The following DMBX1 variants were observed in gnomAD, a reference collection of about 807,000 sequenced individuals.
DMBX1 encodes diencephalon/mesencephalon homeobox protein 1.
In DMBX1, 7 loss-of-function variants were observed where a neutral mutation model predicts 30.4. That is an observed-to-expected ratio of 0.23 (90% CI 0.13 to 0.43). The LOEUF is 0.43. Ranked by LOEUF, DMBX1 falls within the 20% of genes least tolerant of loss-of-function variation. The probability of loss-of-function intolerance (pLI) is 1.00; values close to 1 mark genes in which losing one functional copy is unlikely to be tolerated. For missense variants in DMBX1, 460 were observed against 508.5 expected, an observed-to-expected ratio of 0.90 and a Z score of 0.92; for synonymous variants, 222 against 214.2, an observed-to-expected ratio of 1.04 and a Z score of -0.32.
intron 2 of DMBX1, among the ~76,000 whole-genome samples, chr1:46,502,310 G>A (rs1666151567): frequency 6.6e-6 from 1 of 151,442 alleles, no homozygotes; most frequent in African/African-American, 2.4e-5. Context: ...CTTCATTCAG[G>A]AAAAGACCCA....
In DMBX1 at chr1:46,512,327, G is replaced by A. The variant is rs557757557; in HGVS notation, c.967G>A (p.Ala323Thr). 2.0e-5 allele frequency: 32 copies of A among 1,613,734 alleles called. No homozygotes were observed. The highest frequency in any genetic ancestry group is 1.6e-4 in the South Asian group (15 of 91,082). Residue 323 changes from alanine (A) to threonine (T), a missense_variant, in exon 6 of 6, where the codon GCT becomes ACT. Transcript: ENST00000360032. The surrounding 1 kb of genome is among the most constrained non-coding windows in gnomAD (Gnocchi z 4.8). ...CTACTACCAGTCCCTGTCAGCAGCC[G>A]CTGCTGCCCACCAGGGTGTGTGGGG... ...QSYYQSLSAA[A>T]AAHQGVWGSP...
Position 46,512,585 on chromosome 1 carries a change from G to A in DMBX1, c.*91G>A, listed in dbSNP as rs922623615. The A allele has an allele frequency of 2.9e-6, 4 of 1,396,320 alleles. No homozygotes were observed. The African/African-American group carries it at 4.3e-5, about 15-fold the overall frequency. The allele number at this position is 1,396,320 out of a possible 1,614,324, so 86.5% of individuals were successfully genotyped here. A position where few individuals can be genotyped will look rare whatever the true frequency, so the allele number is the denominator to read the frequency against. The stretch of plus-strand genomic sequence containing the variant: ...GTGGCTCTCGAGGAGTTAACTCCAT[G>A]AGCCCAGGGATCCTAGGGCCTGGGG... On this transcript the variant is annotated 3_prime_UTR_variant, in exon 6 of 6. Coordinates refer to ENST00000360032, the MANE Select transcript of DMBX1 (RefSeq NM_172225.2). The surrounding 1 kb of genome is among the most constrained non-coding windows in gnomAD (Gnocchi z 4.8).
chr1:46,496,529 G>A (rs530063960), intron 2 of DMBX1, among the ~76,000 whole-genome samples: 177 of 152,334 alleles, frequency 1.2e-3, no homozygotes, highest in African/African-American at 4.2e-3. Context: ...AGGTGCTGAA[G>A]TTGAGGATCT....
chr1:46,514,784 T>C lies in DMBX1; in HGVS notation c.*2290T>C, dbSNP rs1257317030. Among the ~76,000 whole-genome samples the C allele has an allele frequency of 6.6e-6, 1 of 152,166 alleles. No homozygotes were observed. The highest frequency in any genetic ancestry group is 1.5e-5 in the Non-Finnish European group (1 of 68,038). On this transcript the variant is annotated 3_prime_UTR_variant, in exon 6 of 6. Transcript: ENST00000360032. ...GAGAGAGGTTCTGTTGGTGTCCTGG[T>C]TGAATTGCTTTGCAGAGAAGTCAAT...
chr1:46,499,830 A>T, intron 2 of DMBX1, among the ~76,000 whole-genome samples: 1 of 152,220 alleles, frequency 6.6e-6, no homozygotes, highest in East Asian at 1.9e-4. Flanking sequence ...AGGCACTAGA[A>T]TTAAGAAAAT....
At chr1:46,508,620 G>C (rs145285283) in intron 3 of DMBX1, among the ~76,000 whole-genome samples, 1 of 152,330 alleles carries the variant, frequency 6.6e-6, no homozygotes, top group Non-Finnish European at 1.5e-5. Flanking sequence ...ACAGAGAGGA[G>C]TCAGGGACAG....
intron 2 of DMBX1, among the ~76,000 whole-genome samples, chr1:46,502,894 C>A (rs11806495): frequency 0.026 from 4,021 of 152,076 alleles, 164 homozygotes; most frequent in African/African-American, 0.092. Flanking sequence ...ATAAAAAAAA[C>A]AAAACAAAAC....
At chr1:46,498,721 T>C (rs1666069692) in intron 2 of DMBX1, among the ~76,000 whole-genome samples, 1 of 152,166 alleles carries the variant, frequency 6.6e-6, no homozygotes, top group Non-Finnish European at 1.5e-5. Context: ...TATACAATCA[T>C]GTGGCCGATC....
Position 46,510,397 on chromosome 1 carries a change from A to T in DMBX1, c.155-79A>T. 6.6e-7 allele frequency: 1 copy of T among 1,519,798 alleles called. No individual in the cohort carries two copies. The highest frequency in any genetic ancestry group is 8.8e-7 in the Non-Finnish European group (1 of 1,133,674). The allele number at this position is 1,519,798 out of a possible 1,614,324, so 94.1% of individuals were successfully genotyped here. The stretch of plus-strand genomic sequence containing the variant: ...AGCCTGGGTGTCCACAGTGGGTCAG[A>T]GCAGGATAAGATTCAAAGCTATTTC... On this transcript the variant is annotated intron_variant, in intron 3 of 5. Coordinates refer to ENST00000360032, the MANE Select transcript of DMBX1 (RefSeq NM_172225.2). The surrounding 1 kb of genome is among the most constrained non-coding windows in gnomAD (Gnocchi z 4.1).
In DMBX1 at chr1:46,510,447, C is replaced by A; in HGVS notation, c.155-29C>A. 2.5e-6 allele frequency: 4 copies of A among 1,607,836 alleles called. No homozygotes were observed. Among genetic ancestry groups the A allele is most frequent in the Non-Finnish European group, 3.4e-6 (4 of 1,177,108 alleles). The stretch of plus-strand genomic sequence containing the variant: ...CCCATAATTAAATGGGCCCCCTCTC[C>A]TTGCCCTCCAACGGCTGTACATTTC... On this transcript the variant is annotated intron_variant, in intron 3 of 5. Transcript: ENST00000360032. This position sits in a 1 kb window ranked among gnomAD's most constrained non-coding sequence, Gnocchi z 4.1.
chr1:46,497,683 T>TA (rs1016266833), intron 2 of DMBX1, among the ~76,000 whole-genome samples: 2 of 152,208 alleles, frequency 1.3e-5, no homozygotes, highest in African/African-American at 4.8e-5. Context: ...TGCCCCCTAA[T>TA]AAAATTCTGC....
intron 2 of DMBX1, among the ~76,000 whole-genome samples, chr1:46,499,307 G>T (rs1666080051): frequency 6.6e-6 from 1 of 152,230 alleles, no homozygotes; most frequent in African/African-American, 2.4e-5. Flanking sequence ...AAAGTGCTGG[G>T]ATTACAGGCG....
intron 2 of DMBX1, among the ~76,000 whole-genome samples, chr1:46,503,121 C>T (rs1383963670): frequency 6.6e-6 from 1 of 152,212 alleles, no homozygotes; most frequent in East Asian, 1.9e-4. Context: ...GGTTTTCTTG[C>T]TGTTCTACAC....
Position 46,510,516 on chromosome 1 carries a change from A to G in DMBX1, c.195A>G (p.Lys65=). 2 of 1,614,138 alleles carry G rather than the reference A, an allele frequency of 1.2e-6. No homozygotes were observed. The highest frequency in any genetic ancestry group is 1.7e-6 in the Non-Finnish European group (2 of 1,180,012). The stretch of plus-strand genomic sequence containing the variant: ...CCCGTTATGGTTCCCAGCACCGCAA[A>G]CAACGTCGCAGCCGCACAGCGTTCA... ...LEARYGSQHR[K]QRRSRTAFTA... Residue 65 remains lysine, a synonymous_variant, in exon 4 of 6, where the codon AAA becomes AAG. Transcript: ENST00000360032. The surrounding 1 kb of genome is among the most constrained non-coding windows in gnomAD (Gnocchi z 4.1).
At chr1:46,494,802 T>C (rs577730239) in intron 2 of DMBX1, among the ~76,000 whole-genome samples, 1 of 152,202 alleles carries the variant, frequency 6.6e-6, no homozygotes, top group Admixed American at 6.5e-5. Context: ...TTGGGGGCCC[T>C]CAGTGGAGAT....
At chr1:46,490,578 T>C (rs755296081) in intron 1 of DMBX1, among the ~76,000 whole-genome samples, 66 bp from the exon 2 acceptor site, 19 of 152,220 alleles carry the variant, frequency 1.2e-4, no homozygotes, top group Non-Finnish European at 2.1e-4. Flanking sequence ...CCCAGCTTCC[T>C]GGTCCACGCG....
rs1208061076 is a variant in DMBX1, at chr1:46,489,968, C to G, written c.-153+91C>G. ...GCGGGCCGTGAGAACCCGGGGACAG[C>G]CTCCCCTCTTGCGGTCCTGCAGTCC... On this transcript the variant is annotated intron_variant, in intron 1 of 5. Transcript: ENST00000360032. Among the ~76,000 whole-genome samples the G allele has an allele frequency of 3.3e-5, 5 of 152,254 alleles. No individual in the cohort carries two copies. In the East Asian group the frequency reaches 7.7e-4, roughly 24 times the overall value.
In DMBX1 at chr1:46,498,482, G is replaced by A. The variant is rs1216933726; in HGVS notation, c.-13+7699G>A. Among the ~76,000 whole-genome samples, 4 of 150,820 alleles carry A rather than the reference G, an allele frequency of 2.7e-5. No individual in the cohort carries two copies. In the East Asian group the frequency reaches 5.8e-4, roughly 22 times the overall value. On this transcript the variant is annotated intron_variant, in intron 2 of 5. Coordinates refer to ENST00000360032, the MANE Select transcript of DMBX1 (RefSeq NM_172225.2). The stretch of plus-strand genomic sequence containing the variant: ...CTCCTTGCTTTTTTTTTCTTTCTCT[G>A]TATTTTTCTCTTGTTCTCTCTCACA...
chr1:46,498,148 C>A (rs1172708840), intron 2 of DMBX1, among the ~76,000 whole-genome samples: 1 of 152,158 alleles, frequency 6.6e-6, no homozygotes, highest in Non-Finnish European at 1.5e-5. Flanking sequence ...TGGCTGAAGA[C>A]CTCAGTAGTG....
Sources: allele counts gnomAD v4.1 joint callset (sites outside exome capture counted in the v4.1 genomes callset), GRCh38; gene constraint gnomAD v4.1.1; non-coding constraint Gnocchi (gnomAD v3.1); transcripts MANE v1.5; gene names NCBI Gene and HGNC (gene_info 2026-07-23, HGNC 2026-07-21).